Variants in GGNBP2 observed in about 807,000 individuals in gnomAD.
The protein encoded by GGNBP2 is gametogenetin binding protein 2, also known as gametogenetin-binding protein 2.
In GGNBP2, 10 loss-of-function variants were observed where a neutral mutation model predicts 85.9. The ratio of observed to expected loss-of-function variants is 0.12; its 90% CI spans 0.07 to 0.20. GGNBP2 has a LOEUF of 0.20. Among genes scored for constraint, GGNBP2 ranks in the 10% least tolerant of loss-of-function variants. The probability of loss-of-function intolerance (pLI) is 1.00; values close to 1 mark genes in which losing one functional copy is unlikely to be tolerated. For missense variants in GGNBP2, 595 were observed against 857.8 expected (o/e 0.69, Z 3.83); for synonymous variants, 287 against 285.7 (o/e 1.00, Z -0.05).
chr17:36,584,251 G>T (rs1599550483), intron 9 of GGNBP2, among the ~76,000 whole-genome samples: 1 of 152,232 alleles, frequency 6.6e-6, no homozygotes, highest in East Asian at 1.9e-4. Flanking sequence ...CAGGAAAAAA[G>T]TTCAGCTTGC....
intron 6 of GGNBP2, among the ~76,000 whole-genome samples, chr17:36,573,228 T>C (rs2074544360): frequency 6.6e-6 from 1 of 152,138 alleles, no homozygotes; most frequent in Non-Finnish European, 1.5e-5. Context: ...TTCTCCTGCC[T>C]CAGCCTCCTG....
Position 36,545,699 on chromosome 17 carries a change from C to A in GGNBP2, c.-26C>A, listed in dbSNP as rs369847471. Reference sequence around the variant, plus strand: ...GGCGGCAGCTGGGAGGAGGTGGTGACGGTGGCAACGGCAGCGTCGGGGACG... The same window carrying A: ...GGCGGCAGCTGGGAGGAGGTGGTGAAGGTGGCAACGGCAGCGTCGGGGACG... On this transcript the variant is annotated 5_prime_UTR_variant, in exon 2 of 14. Transcript: ENST00000613102. 3 of 1,535,184 alleles carry A rather than the reference C, an allele frequency of 2.0e-6. No homozygotes were observed. Among genetic ancestry groups the A allele is most frequent in the African/African-American group, 2.8e-5 (2 of 72,626 alleles).
chr17:36,585,612 TTA>T, intron 10 of GGNBP2, 162 bp downstream of exon 10: 1 of 631,494 alleles, frequency 1.6e-6, no homozygotes, highest in Non-Finnish European at 2.6e-6. Flanking sequence ...TCCTTTTTCT[TTA>T]TGTTCTTTGA....
chr17:36,558,978 A>G (rs1451899981), intron 4 of GGNBP2, among the ~76,000 whole-genome samples: 1 of 152,062 alleles, frequency 6.6e-6, no homozygotes, highest in Non-Finnish European at 1.5e-5. Context: ...GAGGCCATCA[A>G]AGATGATTCT....
At chr17:36,587,951 A>G (rs2074719386) in intron 13 of GGNBP2, among the ~76,000 whole-genome samples, 1 of 152,226 alleles carries the variant, frequency 6.6e-6, no homozygotes, top group Admixed American at 6.5e-5. Context: ...AGGAGAAAGG[A>G]TAGAGGTAGC....
intron 5 of GGNBP2, 33 bp downstream of exon 5, chr17:36,560,904 A>G (rs1161168893): frequency 3.8e-6 from 4 of 1,064,924 alleles, no homozygotes; most frequent in Non-Finnish European, 5.6e-6. Context: ...AGGCTTTGTC[A>G]TTGTTAAGAT....
Position 36,554,844 on chromosome 17 carries a change from G to C in GGNBP2, c.118G>C (p.Val40Leu). 6.2e-7 allele frequency: 1 copy of C among 1,608,486 alleles called. No individual in the cohort carries two copies. Among genetic ancestry groups the C allele is most frequent in the South Asian group, 1.1e-5 (1 of 90,956 alleles). ...LTMVMEFPDN[V>L]LNLDGHQNNG... ...GATGGTGATGGAATTTCCTGATAAT[G>C]TGTTAAATCTCGATGGACATCAGAA... Residue 40 changes from valine to leucine, a missense_variant, in exon 3 of 14, where the codon GTG becomes CTG. Val to Leu is a conservative substitution (Grantham distance 32, BLOSUM62 1). Transcript: ENST00000613102.
chr17:36,561,368 C>T (rs1234565454), intron 5 of GGNBP2, among the ~76,000 whole-genome samples: 1 of 152,048 alleles, frequency 6.6e-6, no homozygotes, highest in Non-Finnish European at 1.5e-5. Flanking sequence ...AGGTGATCGC[C>T]CACCTCAGCC....
intron 2 of GGNBP2, 109 bp downstream of exon 2, chr17:36,545,926 TC>T: frequency 1.3e-6 from 1 of 752,712 alleles, no homozygotes; most frequent in African/African-American, 1.8e-5. Flanking sequence ...GTGTTGCAAC[TC>T]CTAGGCGAGG....
At position 36,587,157 on chromosome 17, in the gene GGNBP2, G is replaced by T; in HGVS notation, c.1802G>T (p.Arg601Met). The T allele has an allele frequency of 6.2e-7, 1 of 1,614,098 alleles. No homozygotes were observed. Among genetic ancestry groups the T allele is most frequent in the East Asian group, 2.2e-5 (1 of 44,882 alleles). ...GGQPLPWFEH[R>M]KNVPQFAEPT... ...CAGCCATTGCCTTGGTTTGAGCATA[G>T]GAAAAATGTACCACAGTTTGCAGAA... The change falls in exon 13 of 14, where the codon AGG (arginine) becomes ATG (methionine). Residue 601 changes from arginine to methionine, a missense_variant. Physicochemically the swap from Arg to Met is moderately conservative, Grantham distance 91. Coordinates refer to ENST00000613102, the MANE Select transcript of GGNBP2 (RefSeq NM_024835.5).
Position 36,589,556 on chromosome 17 carries a change from G to C in GGNBP2, c.*145G>C. On this transcript the variant is annotated 3_prime_UTR_variant, in exon 14 of 14. Coordinates refer to ENST00000613102, the MANE Select transcript of GGNBP2 (RefSeq NM_024835.5). ...TTTCTTGTTTTGGGAGACGGTGGAGGTATCCTCATTAGTTCTTTCTTCAGG... is the reference window on the plus strand; with the variant it reads ...TTTCTTGTTTTGGGAGACGGTGGAGCTATCCTCATTAGTTCTTTCTTCAGG... 1 of 640,160 alleles carries C rather than the reference G, an allele frequency of 1.6e-6. No homozygotes were observed. The highest frequency in any genetic ancestry group is 2.7e-6 in the Non-Finnish European group (1 of 368,028). 39.7% of individuals were successfully genotyped at this position (640,160 alleles called of 1,614,324 possible).
intron 6 of GGNBP2, chr17:36,574,547 G>A (rs1419270537): frequency 2.3e-6 from 1 of 431,244 alleles, no homozygotes; most frequent in Non-Finnish European, 4.1e-6. Context: ...TTCCTGACAG[G>A]AAGACTTGAT....
intron 12 of GGNBP2, 47 bp from the exon 13 acceptor site, chr17:36,586,950 A>G (rs1434209604): frequency 1.3e-6 from 2 of 1,486,084 alleles, no homozygotes; most frequent in Non-Finnish European, 1.8e-6. Flanking sequence ...AATAATTGCT[A>G]TTATATCATG....
rs371545892 is a variant in GGNBP2 at position 36,567,064 on chromosome 17, T to C, written c.528-599T>C. On this transcript the variant is annotated intron_variant, in intron 5 of 13. Transcript: ENST00000613102. ...TCTCATTAAGTAGATCAAAACTTCT[T>C]AGAATTTTCAATTTGTGGAAGATTG... 9.9e-5 allele frequency among the ~76,000 whole-genome samples: 15 copies of C among 152,230 alleles called. No homozygotes were observed. In the East Asian group the frequency reaches 2.9e-3, roughly 29 times the overall value.
intron 6 of GGNBP2, chr17:36,574,738 GC>G: frequency 1.6e-6 from 1 of 627,418 alleles, no homozygotes. Flanking sequence ...CGATGCCAGT[GC>G]CTCTGGGCGT....
Position 36,544,951 on chromosome 17 carries a change from T to C in GGNBP2, c.-253T>C, listed in dbSNP as rs115694700. ...CGCGGCGCGAGCGGCTGACTGCCCG[T>C]AGAGGAAACGACATTCGGAGCTGCG... is the stretch of plus-strand genomic sequence containing the variant. On this transcript the variant is annotated 5_prime_UTR_variant, in exon 1 of 14. Transcript: ENST00000613102. 1.4e-5 allele frequency: 2 copies of C among 147,214 alleles called. No individual in the cohort carries two copies. Among genetic ancestry groups the C allele is most frequent in the African/African-American group, 5.0e-5 (2 of 40,380 alleles). The allele number at this position is 147,214 out of a possible 1,614,324, so 9.1% of individuals were successfully genotyped here. A position where few individuals can be genotyped will look rare whatever the true frequency, so the allele number is the denominator to read the frequency against.
intron 5 of GGNBP2, among the ~76,000 whole-genome samples, chr17:36,564,685 C>G (rs1247240399): frequency 2.0e-5 from 3 of 152,306 alleles, no homozygotes; most frequent in East Asian, 3.9e-4. Context: ...CTCCCTCTCC[C>G]TTGGATGGTC....
At chr17:36,549,190 A>C (rs1416511934) in intron 2 of GGNBP2, among the ~76,000 whole-genome samples, 1 of 151,778 alleles carries the variant, frequency 6.6e-6, no homozygotes, top group African/African-American at 2.4e-5. Context: ...GATTTTAGAG[A>C]AATCTGAAGA....
Position 36,586,063 on chromosome 17 carries a change from T to C in GGNBP2, c.1506T>C (p.Cys502=), listed in dbSNP as rs1056704032. The change falls in exon 12 of 14, where the codon TGT becomes TGC. Residue 502 remains cysteine (C), a synonymous_variant. Coordinates refer to ENST00000613102, the MANE Select transcript of GGNBP2 (RefSeq NM_024835.5). ...TGATTTCTGCAGGTGATGACTCTTG[T>C]GTTCATCACTGTGAAGACAAAGAGG... The part of the protein sequence containing the change: ...CNHDEHGDDS[C]VHHCEDKEDD... 3 of 1,613,742 alleles carry C rather than the reference T, an allele frequency of 1.9e-6. No individual in the cohort carries two copies. The highest frequency in any genetic ancestry group is 3.3e-5 in the Admixed American group (2 of 60,016).
Sources: allele counts gnomAD v4.1 joint callset (sites outside exome capture counted in the v4.1 genomes callset), GRCh38; gene constraint gnomAD v4.1.1; transcripts MANE v1.5; gene names NCBI Gene and HGNC (gene_info 2026-07-23, HGNC 2026-07-21).